PARD6B: variants seen among roughly 807,000 people sequenced by gnomAD.
The protein encoded by PARD6B is par-6 family cell polarity regulator beta.
Under a neutral mutation model 10.5 loss-of-function variants are expected in PARD6B, and 4 were observed. The ratio of observed to expected loss-of-function variants is 0.38; its 90% CI spans 0.19 to 0.87. The LOEUF (loss-of-function observed/expected upper bound fraction) is 0.87, where lower values mean the gene tolerates loss of function less well. Ranked by LOEUF, PARD6B falls within the 40% of genes least tolerant of loss-of-function variation. The pLI is 0.41. For synonymous variants in PARD6B, 169 were observed against 170.4 expected (o/e 0.99, Z 0.07); for missense variants, 396 against 470.6 (o/e 0.84, Z 1.47).
In PARD6B at chr20:50,737,957, T is replaced by C; in HGVS notation, c.167T>C (p.Val56Ala). ...CAACATGTTCATAAGATCCCCAATG[T>C]TGACGTTTTGGTAGGCTATGCAGAC... Reference protein sequence around the residue: ...LLQHVHKIPNVDVLVGYADIH... With the variant: ...LLQHVHKIPNADVLVGYADIH... The change falls in exon 2 of 3, where the codon GTT becomes GCT. Residue 56 changes from valine to alanine, a missense_variant. Val to Ala is a moderately conservative substitution (Grantham distance 64). This residue lies in a region of PARD6B where 208 missense variants were observed against 300.9 expected (regional missense o/e 0.69). Transcript: ENST00000371610. 6.2e-7 allele frequency: 1 copy of C among 1,613,728 alleles called. No homozygotes were observed. The highest frequency in any genetic ancestry group is 8.5e-7 in the Non-Finnish European group (1 of 1,179,794).
chr20:50,735,107 G>A (rs1007960161), intron 1 of PARD6B, among the ~76,000 whole-genome samples: 3 of 151,434 alleles, frequency 2.0e-5, no homozygotes, highest in East Asian at 3.8e-4. Context: ...CCGAGATTGC[G>A]CCACTGCACT....
At chr20:50,733,404 A>C (rs1177045881) in intron 1 of PARD6B, among the ~76,000 whole-genome samples, 1 of 152,226 alleles carries the variant, frequency 6.6e-6, no homozygotes, top group African/African-American at 2.4e-5. Context: ...AGCCTGGGCA[A>C]CAAGAGCAAA....
At chr20:50,748,027 T>C (rs2087578985) in intron 2 of PARD6B, among the ~76,000 whole-genome samples, 1 of 152,206 alleles carries the variant, frequency 6.6e-6, no homozygotes, top group African/African-American at 2.4e-5. Context: ...TTTGCCTCTT[T>C]CAAAATGAAA....
intron 2 of PARD6B, among the ~76,000 whole-genome samples, chr20:50,740,882 T>C (rs2087526541): frequency 6.6e-6 from 1 of 152,166 alleles, no homozygotes; most frequent in South Asian, 2.1e-4. Flanking sequence ...CAACCTCATC[T>C]TCCCTCATTC....
intron 2 of PARD6B, among the ~76,000 whole-genome samples, chr20:50,742,794 TTATAGTC>T (rs1477900134): frequency 2.0e-5 from 3 of 152,176 alleles, no homozygotes; most frequent in Admixed American, 6.6e-5. Flanking sequence ...GTAAACTACT[TTATAGTC>T]TGAAGTTTAA....
Position 50,749,820 on chromosome 20 carries a change from C to A in PARD6B, c.451C>A (p.Leu151Ile). The A allele has an allele frequency of 6.2e-7, 1 of 1,614,172 alleles. No individual in the cohort carries two copies. Among genetic ancestry groups the A allele is most frequent in the African/African-American group, 1.3e-5 (1 of 75,042 alleles). ...PVSSIIDVDI[L>I]PETHRRVRLY... ...GTCTTCTATTATAGACGTGGATATT[C>A]TCCCAGAAACGCATCGTAGGGTACG... The change falls in exon 3 of 3, where the codon CTC becomes ATC. Residue 151 changes from leucine (L) to isoleucine (I), a missense_variant. By Grantham distance (5) the Leu-to-Ile change is conservative (BLOSUM62 2). Around this residue, in one of 2 missense-constraint regions of PARD6B, gnomAD observed 208 missense variants for 300.9 expected, o/e 0.69. Coordinates refer to ENST00000371610, the MANE Select transcript of PARD6B (RefSeq NM_032521.3).
chr20:50,753,352 A>G lies in PARD6B; in HGVS notation c.*2864A>G. On this transcript the variant is annotated 3_prime_UTR_variant, in exon 3 of 3. Transcript: ENST00000371610. ...ATAGATCCTGGTTATACGATAAAAT[A>G]TCAGCTCATTGGTAGGCTGAATCAA... The G allele has an allele frequency of 1.0e-6, 1 of 985,412 alleles. No individual in the cohort carries two copies. 61.0% of individuals were successfully genotyped at this position (985,412 alleles called of 1,614,324 possible).
At position 50,749,652 on chromosome 20, in the gene PARD6B, TAAAC is replaced by T; in HGVS notation, c.290-5_290-2del. On this transcript the variant is annotated splice_polypyrimidine_tract_variant and splice_region_variant and intron_variant, in intron 2 of 2. Transcript: ENST00000371610. ...TTCTATAATTATTTTGTTTTATTTT[TAAAC>T]AGAAGAAGCAGACTACAGTGCCTTT... 1.9e-6 allele frequency: 3 copies of T among 1,555,188 alleles called. No individual in the cohort carries two copies. The highest frequency in any genetic ancestry group is 1.7e-6 in the Non-Finnish European group (2 of 1,156,164).
rs1331445208 is a variant in PARD6B, at chr20:50,753,130, G to C, written c.*2642G>C. 1 of 984,618 alleles carries C rather than the reference G, an allele frequency of 1.0e-6. No individual in the cohort carries two copies. Among genetic ancestry groups the C allele is most frequent in the Non-Finnish European group, 1.2e-6 (1 of 829,242 alleles). 61.0% of individuals were successfully genotyped at this position (984,618 alleles called of 1,614,324 possible). ...CTTTTGGGGGAAAAACTACTTCAGGGCTTGACTTTTTGTACAAATTTTAAC... is the reference window on the plus strand; with the variant it reads ...CTTTTGGGGGAAAAACTACTTCAGGCCTTGACTTTTTGTACAAATTTTAAC... On this transcript the variant is annotated 3_prime_UTR_variant, in exon 3 of 3. Coordinates refer to ENST00000371610, the MANE Select transcript of PARD6B (RefSeq NM_032521.3).
rs188763099 is a variant in PARD6B, at chr20:50,740,227, A to G, written c.289+2148A>G. 1.4e-4 allele frequency among the ~76,000 whole-genome samples: 22 copies of G among 152,352 alleles called. No individual in the cohort carries two copies. The East Asian group carries it at 2.9e-3, about 20-fold the overall frequency. ...GCTATCTGAGATGAAGACCATGGAT[A>G]GAACCTTGGAAAGCTATATATAGAG... On this transcript the variant is annotated intron_variant, in intron 2 of 2. Coordinates refer to ENST00000371610, the MANE Select transcript of PARD6B (RefSeq NM_032521.3).
At chr20:50,747,402 G>C (rs2087573134) in intron 2 of PARD6B, among the ~76,000 whole-genome samples, 1 of 94,092 alleles carries the variant, frequency 1.1e-5, no homozygotes, top group African/African-American at 4.5e-5. Flanking sequence ...GCTGAGACTA[G>C]GATTTTCAAC....
At chr20:50,736,769 C>T (rs373663192) in intron 1 of PARD6B, among the ~76,000 whole-genome samples, 2 of 150,670 alleles carry the variant, frequency 1.3e-5, no homozygotes, top group East Asian at 3.9e-4. Flanking sequence ...GGCATGATCT[C>T]GACTCACTGC....
At chr20:50,747,123 G>A (rs1389384945) in intron 2 of PARD6B, among the ~76,000 whole-genome samples, 1 of 152,054 alleles carries the variant, frequency 6.6e-6, no homozygotes, top group Non-Finnish European at 1.5e-5. Context: ...GAGTGTTCAC[G>A]CAGCATCAGA....
At chr20:50,733,066 A>C (rs756934165) in intron 1 of PARD6B, among the ~76,000 whole-genome samples, 11 of 152,294 alleles carry the variant, frequency 7.2e-5, no homozygotes, top group Non-Finnish European at 1.3e-4. Flanking sequence ...AAGTTCTGTA[A>C]GTTTCTGTAA....
At chr20:50,749,301 C>A (rs1298551350) in intron 2 of PARD6B, among the ~76,000 whole-genome samples, 1 of 151,560 alleles carries the variant, frequency 6.6e-6, no homozygotes, top group Non-Finnish European at 1.5e-5. Context: ...CGAGGTCACG[C>A]CACTGCACTC....
Position 50,737,922 on chromosome 20 carries a change from T to G in PARD6B, c.132T>G (p.Tyr44Ter). 1 of 1,612,808 alleles carries G rather than the reference T, an allele frequency of 6.2e-7. No homozygotes were observed. Among genetic ancestry groups the G allele is most frequent in the African/African-American group, 1.3e-5 (1 of 74,950 alleles). The change falls in exon 2 of 3, where the codon TAT becomes TAG. Residue 44 changes from tyrosine to a stop codon, truncating the protein, a stop_gained. Transcript: ENST00000371610. LOFTEE classifies it high-confidence loss of function. ...RSKPGKFEEF[Y>*]GLLQHVHKIP... ...AACCTGGAAAATTTGAGGAGTTTTA[T>G]GGATTACTACAACATGTTCATAAGA...
In PARD6B at chr20:50,751,376, G is replaced by A; in HGVS notation, c.*888G>A. On this transcript the variant is annotated 3_prime_UTR_variant, in exon 3 of 3. Coordinates refer to ENST00000371610, the MANE Select transcript of PARD6B (RefSeq NM_032521.3). ...TTTTTTTTTTTTTTTTTTTTTTTGAGATGGAGTCTCGCTCTATCGCCCAGG... is the reference window on the plus strand; with the variant it reads ...TTTTTTTTTTTTTTTTTTTTTTTGAAATGGAGTCTCGCTCTATCGCCCAGG... The A allele has an allele frequency of 1.8e-6, 1 of 556,096 alleles. No homozygotes were observed. Among genetic ancestry groups the A allele is most frequent in the African/African-American group, 3.1e-5 (1 of 32,088 alleles). 34.4% of individuals were successfully genotyped at this position (556,096 alleles called of 1,614,324 possible).
chr20:50,741,578 C>T (rs911865610), intron 2 of PARD6B, among the ~76,000 whole-genome samples: 2 of 151,712 alleles, frequency 1.3e-5, no homozygotes, highest in South Asian at 2.1e-4. Flanking sequence ...GGAGTGGGGA[C>T]GGAGTCTAGC....
chr20:50,741,149 T>C (rs377029196), intron 2 of PARD6B, among the ~76,000 whole-genome samples: 242 of 152,048 alleles, frequency 1.6e-3, no homozygotes, highest in Admixed American at 5.1e-3. Flanking sequence ...TTAGTAGAGA[T>C]GGGGTGTCAC....
Sources: allele counts gnomAD v4.1 joint callset (sites outside exome capture counted in the v4.1 genomes callset), GRCh38; gene constraint gnomAD v4.1.1; regional missense constraint gnomAD v4.1.1; transcripts MANE v1.5; gene names NCBI Gene and HGNC (gene_info 2026-07-23, HGNC 2026-07-21).